PTPRD: variants seen among roughly 807,000 people sequenced by gnomAD.
PTPRD encodes the protein protein tyrosine phosphatase receptor type D.
Under a neutral mutation model 214.5 loss-of-function variants are expected in PTPRD, and 34 were observed. The observed-to-expected ratio is 0.16, with a 90% CI of 0.12 to 0.21. The LOEUF (loss-of-function observed/expected upper bound fraction) is 0.21, where lower values mean the gene tolerates loss of function less well. Among genes scored for constraint, PTPRD ranks in the 10% least tolerant of loss-of-function variants. PTPRD has a pLI of 1.00. For synonymous variants in PTPRD, 1,128 were observed against 845.7 expected (o/e 1.33, Z -5.79); for missense variants, 2,545 against 2,398.7 (o/e 1.06, Z -1.27).
At chr9:9,625,649 C>G (rs1039332422) in intron 7 of PTPRD, among the ~76,000 whole-genome samples, 1 of 151,354 alleles carries the variant, frequency 6.6e-6, no homozygotes, top group Non-Finnish European at 1.5e-5. Context: ...CTGAGATAGT[C>G]ACCATTTTGT....
At position 9,307,397 on chromosome 9, in the gene PTPRD, T is replaced by G. The variant is rs140794737; in HGVS notation, c.-203+90052A>C. Among the ~76,000 whole-genome samples, 12 of 152,294 alleles carry G rather than the reference T, an allele frequency of 7.9e-5. No homozygotes were observed. In the East Asian group the frequency reaches 2.3e-3, roughly 30 times the overall value. ...AAAATTCCACAGCCTCATCCAAGCC[T>G]AAATTTTAGCTTACCTCCATTCCTA... On this transcript the variant is annotated intron_variant, in intron 9 of 45. Coordinates refer to ENST00000381196, the MANE Select transcript of PTPRD (RefSeq NM_002839.4).
intron 3 of PTPRD, among the ~76,000 whole-genome samples, chr9:10,043,496 A>C (rs2097332896): frequency 6.6e-6 from 1 of 151,864 alleles, no homozygotes; most frequent in Admixed American, 6.6e-5. Context: ...GCCTTCTCTC[A>C]ATGAAACTCT....
intron 11 of PTPRD, among the ~76,000 whole-genome samples, chr9:8,836,012 T>A (rs75658452): frequency 0.017 from 2,628 of 152,288 alleles, 65 homozygotes; most frequent in African/African-American, 0.06. Flanking sequence ...AGGAACTTCA[T>A]AAATATTGGT....
chr9:8,854,465 C>A (rs1424238027), intron 11 of PTPRD, among the ~76,000 whole-genome samples: 1 of 152,000 alleles, frequency 6.6e-6, no homozygotes, highest in Non-Finnish European at 1.5e-5. Context: ...TAGAATTGTC[C>A]AATGGTTTGA....
intron 10 of PTPRD, among the ~76,000 whole-genome samples, chr9:9,083,869 G>T (rs1435430179): frequency 6.6e-6 from 1 of 152,190 alleles, no homozygotes; most frequent in African/African-American, 2.4e-5. Flanking sequence ...TCTCACACCA[G>T]TTAGAATGGT....
chr9:10,509,416 G>C lies in PTPRD; in HGVS notation c.-600+102982C>G, dbSNP rs187227600. On this transcript the variant is annotated intron_variant, in intron 2 of 45. Coordinates refer to ENST00000381196, the MANE Select transcript of PTPRD (RefSeq NM_002839.4). ...TTATTTTACTCCTCTTGTTGTTTCAGCTTCATCCATTAGGTACTCTTTCAT... is the reference window on the plus strand; with the variant it reads ...TTATTTTACTCCTCTTGTTGTTTCACCTTCATCCATTAGGTACTCTTTCAT... Among the ~76,000 whole-genome samples the C allele has an allele frequency of 1.3e-3, 200 of 150,706 alleles. 4 individuals are homozygous for C. The highest frequency in any genetic ancestry group is 4.6e-3 in the African/African-American group (190 of 40,968).
intron 5 of PTPRD, among the ~76,000 whole-genome samples, chr9:9,801,915 T>G (rs2099042992): frequency 6.6e-6 from 1 of 152,036 alleles, no homozygotes; most frequent in Non-Finnish European, 1.5e-5. Flanking sequence ...AATACTATAA[T>G]GATAACAAAT....
chr9:8,611,781 AG>A (rs1371392800), intron 14 of PTPRD, among the ~76,000 whole-genome samples: 1 of 141,152 alleles, frequency 7.1e-6, no homozygotes, highest in Non-Finnish European at 1.5e-5. Flanking sequence ...AGGGGAGGGG[AG>A]GGGAGGGGAG....
At chr9:8,414,196 T>TA (rs76939238) in intron 35 of PTPRD, among the ~76,000 whole-genome samples, 6,575 of 148,474 alleles carry the variant, frequency 0.044, 150 homozygotes, top group East Asian at 0.085. Context: ...ACCAGAGATA[T>TA]AAAAAAAAAA....
chr9:8,742,846 A>G (rs1337329743), intron 11 of PTPRD, among the ~76,000 whole-genome samples: 1 of 152,158 alleles, frequency 6.6e-6, no homozygotes, highest in African/African-American at 2.4e-5. Context: ...GGGTGATCAA[A>G]TCTCTGGGCC....
intron 11 of PTPRD, among the ~76,000 whole-genome samples, chr9:8,847,541 A>G (rs1254728354): frequency 6.6e-6 from 1 of 152,174 alleles, no homozygotes; most frequent in East Asian, 1.9e-4. Context: ...TGAAAGCCAT[A>G]AAAGACCGAG....
intron 10 of PTPRD, among the ~76,000 whole-genome samples, chr9:9,081,173 C>A (rs1198816070): frequency 1.3e-5 from 2 of 152,138 alleles, no homozygotes; most frequent in Middle Eastern, 3.4e-3. Context: ...TAGCTGTGTC[C>A]CAGAGATTCT....
At chr9:9,203,162 G>A (rs201383249) in intron 9 of PTPRD, among the ~76,000 whole-genome samples, 17 of 151,880 alleles carry the variant, frequency 1.1e-4, no homozygotes, top group South Asian at 4.2e-4. Flanking sequence ...CCTGGGAGGC[G>A]GAGGTTGCAG....
intron 3 of PTPRD, among the ~76,000 whole-genome samples, chr9:10,278,725 T>C (rs2094883178): frequency 6.6e-6 from 1 of 152,168 alleles, no homozygotes; most frequent in South Asian, 2.1e-4. Flanking sequence ...TTTGAATATA[T>C]ATAAACTTAC....
At position 9,469,850 on chromosome 9, in the gene PTPRD, A is replaced by G. The variant is rs28626995; in HGVS notation, c.-236-72368T>C. ...ATGAAAAATCAAATGCAGTCATGGCATATGTCCAATGAGGGGTCAGAATAC... is the reference window on the plus strand; with the variant it reads ...ATGAAAAATCAAATGCAGTCATGGCGTATGTCCAATGAGGGGTCAGAATAC... On this transcript the variant is annotated intron_variant, in intron 8 of 45. Transcript: ENST00000381196. 7.8e-3 allele frequency among the ~76,000 whole-genome samples: 1,190 copies of G among 152,300 alleles called. 11 individuals are homozygous for G. The highest frequency in any genetic ancestry group is 0.027 in the African/African-American group (1,114 of 41,572).
intron 10 of PTPRD, among the ~76,000 whole-genome samples, chr9:9,167,379 G>T (rs756725925): frequency 5.1e-4 from 77 of 150,718 alleles, no homozygotes; most frequent in Non-Finnish European, 9.4e-4. Context: ...ATTTGCTAAT[G>T]ATGACAAAAT....
chr9:10,317,949 A>G (rs572045259), intron 3 of PTPRD, among the ~76,000 whole-genome samples: 11 of 152,176 alleles, frequency 7.2e-5, no homozygotes, highest in African/African-American at 2.6e-4. Context: ...TGACATTTGA[A>G]TAACTACTAA....
intron 11 of PTPRD, among the ~76,000 whole-genome samples, chr9:8,782,741 G>A (rs943576412): frequency 6.6e-5 from 10 of 151,844 alleles, no homozygotes; most frequent in Non-Finnish European, 1.3e-4. Context: ...GGGATTACAG[G>A]CGCACACCAC....
intron 11 of PTPRD, among the ~76,000 whole-genome samples, chr9:8,902,217 C>A (rs982769333): frequency 1.3e-5 from 2 of 152,124 alleles, no homozygotes; most frequent in Non-Finnish European, 2.9e-5. Flanking sequence ...ACTGTTGCTA[C>A]TCAAAGTGTT....
Sources: allele counts gnomAD v4.1 joint callset (sites outside exome capture counted in the v4.1 genomes callset), GRCh38; gene constraint gnomAD v4.1.1; transcripts MANE v1.5; gene names NCBI Gene and HGNC (gene_info 2026-07-23, HGNC 2026-07-21).